Variants in TP73 observed in about 807,000 individuals in gnomAD.
TP73 encodes tumor protein p73.
In TP73, 25 loss-of-function variants were observed where a neutral mutation model predicts 62.5. The ratio of observed to expected loss-of-function variants is 0.40; its 90% CI spans 0.29 to 0.56. TP73 has a LOEUF of 0.56. Ranked by LOEUF, TP73 falls within the 20% of genes least tolerant of loss-of-function variation. The pLI is 0.46. For missense variants in TP73, 754 were observed against 913.3 expected, an observed-to-expected ratio of 0.83 and a Z score of 2.25; for synonymous variants, 423 against 377.5, an observed-to-expected ratio of 1.12 and a Z score of -1.40.
chr1:3,717,896 T>G (rs914808900), intron 4 of TP73, among the ~76,000 whole-genome samples: 1 of 152,198 alleles, frequency 6.6e-6, no homozygotes, highest in African/African-American at 2.4e-5. Flanking sequence ...GGGTGAGGTC[T>G]GCCAGGCATG....
intron 10 of TP73, 40 bp from the exon 11 acceptor site, chr1:3,729,960 G>A: frequency 6.5e-7 from 1 of 1,549,270 alleles, no homozygotes; most frequent in Non-Finnish European, 8.8e-7. Context: ...GCACGAGGCT[G>A]CCTTGCTTCC....
At position 3,699,273 on chromosome 1, in the gene TP73, A is replaced by G. The variant is rs1267220508; in HGVS notation, c.187-8276A>G. 6.6e-6 allele frequency among the ~76,000 whole-genome samples: 1 copy of G among 152,176 alleles called. No homozygotes were observed. The highest frequency in any genetic ancestry group is 6.5e-5 in the Admixed American group (1 of 15,276). ...GATGGGCTCTCTTCCTCCGAAGCCC[A>G]GGCTGCTTGTCAGTCACTCACCCCT... is the stretch of plus-strand genomic sequence containing the variant. On this transcript the variant is annotated intron_variant, in intron 3 of 13. Transcript: ENST00000378295. The surrounding 1 kb of genome is among the most constrained non-coding windows in gnomAD (Gnocchi z 4.1).
rs373779868 is a variant in TP73 at position 3,677,430 on chromosome 1, G to A, written c.-33-4903G>A. Among the ~76,000 whole-genome samples the A allele has an allele frequency of 6.6e-5, 10 of 152,274 alleles. No homozygotes were observed. The East Asian group carries it at 1.5e-3, about 24-fold the overall frequency. The stretch of plus-strand genomic sequence containing the variant: ...GCCTCATGGAAGTTGGGGCAGGGTC[G>A]AGGTGCCCTGCTTCCTGGGTGTGCC... On this transcript the variant is annotated intron_variant, in intron 1 of 13. Transcript: ENST00000378295.
chr1:3,724,839 C>T (rs1557576493), intron 6 of TP73, among the ~76,000 whole-genome samples: 2 of 152,150 alleles, frequency 1.3e-5, no homozygotes. Context: ...GCCCACAGGG[C>T]GAAACCCTGT....
At position 3,732,796 on chromosome 1, in the gene TP73, G is replaced by A. The variant is rs779902863; in HGVS notation, c.1628G>A (p.Arg543Gln). 59 of 1,604,690 alleles carry A rather than the reference G, an allele frequency of 3.7e-5. No individual in the cohort carries two copies. The highest frequency in any genetic ancestry group is 2.9e-4 in the East Asian group (13 of 44,676). The change falls in exon 14 of 14, where the codon CGG (arginine) becomes CAG (glutamine). Residue 543 changes from arginine (R) to glutamine (Q), a missense_variant. By Grantham distance (43) the Arg-to-Gln change is conservative. Around this residue, in one of 3 missense-constraint regions of TP73, gnomAD observed 458 missense variants for 528.7 expected, o/e 0.87. Transcript: ENST00000378295. Reference protein sequence around the residue: ...IPEQYRMTIWRGLQDLKQGHD... With the variant: ...IPEQYRMTIWQGLQDLKQGHD... ...GAGCAGTACCGCATGACCATCTGGC[G>A]GGGCCTGCAGGACCTGAAGCAGGGC...
At position 3,733,068 on chromosome 1, in the gene TP73, G is replaced by C. The variant is rs146782600; in HGVS notation, c.1900G>C (p.Glu634Gln). Residue 634 changes from glutamate to glutamine, a missense_variant, in exon 14 of 14, where the codon GAG becomes CAG. Physicochemically the swap from Glu to Gln is conservative, Grantham distance 29. This residue lies in a region of TP73 where 458 missense variants were observed against 528.7 expected (regional missense o/e 0.87). Transcript: ENST00000378295. ...QPIKEEFTEA[E>Q]IH is the part of the protein sequence containing the mutation. Reference sequence around the variant, plus strand: ...CATCAAGGAGGAGTTCACGGAGGCCGAGATCCACTGAGGGCCTCGCCTGGC... The same window carrying C: ...CATCAAGGAGGAGTTCACGGAGGCCCAGATCCACTGAGGGCCTCGCCTGGC... The C allele has an allele frequency of 2.6e-6, 4 of 1,534,936 alleles. No homozygotes were observed. The highest frequency in any genetic ancestry group is 3.5e-6 in the Non-Finnish European group (4 of 1,145,182).
At chr1:3,659,476 G>T (rs1368825569) in intron 1 of TP73, 1 of 152,176 alleles carries the variant, frequency 6.6e-6, no homozygotes, top group Non-Finnish European at 1.5e-5. Flanking sequence ...GAAAGTGTTA[G>T]TTTGGGAGTT....
intron 4 of TP73, among the ~76,000 whole-genome samples, chr1:3,720,304 G>A (rs1036394695): frequency 6.6e-6 from 1 of 152,226 alleles, no homozygotes; most frequent in Non-Finnish European, 1.5e-5. Flanking sequence ...GACTGGGGAT[G>A]GGCGGCTTCC....
chr1:3,676,530 A>T (rs1047653301), intron 1 of TP73, among the ~76,000 whole-genome samples: 1 of 151,488 alleles, frequency 6.6e-6, no homozygotes, highest in Non-Finnish European at 1.5e-5. Context: ...TTTCGTGGGA[A>T]GCTATGGAAG....
At chr1:3,723,772 C>T (rs373858236) in intron 6 of TP73, among the ~76,000 whole-genome samples, 1 of 152,248 alleles carries the variant, frequency 6.6e-6, no homozygotes, top group Non-Finnish European at 1.5e-5. Context: ...CTGTTGGTGC[C>T]CAACACTGGT....
chr1:3,683,777 C>A (rs1645580399), intron 3 of TP73, among the ~76,000 whole-genome samples: 1 of 152,252 alleles, frequency 6.6e-6, no homozygotes, highest in Admixed American at 6.5e-5. Flanking sequence ...TGAGCCACAT[C>A]TGTGCCTCTG....
rs749910695 is a variant in TP73, at chr1:3,722,091, C to A, written c.500C>A (p.Thr167Asn). ...KTCPIQIKVS[T>N]PPPPGTAIRA... is the part of the protein sequence containing the mutation. Reference sequence around the variant, plus strand: ...TGCCCCATCCAGATCAAGGTGTCCACCCCGCCACCCCCAGGCACCGCCATC... The same window carrying A: ...TGCCCCATCCAGATCAAGGTGTCCAACCCGCCACCCCCAGGCACCGCCATC... The change falls in exon 5 of 14, where the codon ACC (threonine) becomes AAC (asparagine). Residue 167 changes from threonine (T) to asparagine (N), a missense_variant. Physicochemically the swap from Thr to Asn is moderately conservative, Grantham distance 65. This residue lies in a region of TP73 where 235 missense variants were observed against 251.4 expected (regional missense o/e 0.93). Transcript: ENST00000378295. The A allele has an allele frequency of 1.9e-6, 3 of 1,612,966 alleles. No individual in the cohort carries two copies. The highest frequency in any genetic ancestry group is 1.1e-5 in the South Asian group (1 of 91,076).
intron 4 of TP73, among the ~76,000 whole-genome samples, chr1:3,711,053 G>A (rs1296652090): frequency 3.9e-5 from 6 of 152,206 alleles, no homozygotes; most frequent in Admixed American, 1.3e-4. Flanking sequence ...TGGAGCTGGC[G>A]TCTGCTGGGG....
At chr1:3,702,135 G>A (rs1363083626) in intron 3 of TP73, among the ~76,000 whole-genome samples, 3 of 152,186 alleles carry the variant, frequency 2.0e-5, no homozygotes, top group Admixed American at 6.5e-5. Context: ...CAGCTTGGCC[G>A]ACGGTAGATG....
chr1:3,657,503 A>G (rs1644889115), intron 1 of TP73, among the ~76,000 whole-genome samples: 1 of 152,192 alleles, frequency 6.6e-6, no homozygotes, highest in African/African-American at 2.4e-5. Context: ...ATTCCAAATA[A>G]CATCCCATTC....
intron 4 of TP73, 42 bp downstream of exon 4, chr1:3,707,833 C>A (rs376078671): frequency 1.3e-6 from 2 of 1,588,938 alleles, no homozygotes; most frequent in Non-Finnish European, 1.7e-6. Context: ...CTGCGGGCTG[C>A]GGGCTGGAGA....
At chr1:3,657,466 A>T (rs1644888597) in intron 1 of TP73, among the ~76,000 whole-genome samples, 1 of 152,084 alleles carries the variant, frequency 6.6e-6, no homozygotes, top group South Asian at 2.1e-4. Context: ...TGAGACCCTT[A>T]CCTAAGTGGC....
intron 4 of TP73, 129 bp from the exon 5 acceptor site, chr1:3,721,892 G>A: frequency 1.1e-6 from 1 of 952,062 alleles, no homozygotes; most frequent in Non-Finnish European, 1.6e-6. Context: ...GGGGCTGCTT[G>A]GGGCAGTCTT....
At position 3,690,034 on chromosome 1, in the gene TP73, G is replaced by A. The variant is rs913606100; in HGVS notation, c.186+6854G>A. Among the ~76,000 whole-genome samples, 7 of 152,204 alleles carry A rather than the reference G, an allele frequency of 4.6e-5. No homozygotes were observed. The South Asian group carries it at 6.2e-4, about 14-fold the overall frequency. On this transcript the variant is annotated intron_variant, in intron 3 of 13. Transcript: ENST00000378295. Reference sequence around the variant, plus strand: ...GCCCCTCCCTGGCTGTGCCAAGGCCGTCCACGCCTGCAGGGGGCCCCACTG... The same window carrying A: ...GCCCCTCCCTGGCTGTGCCAAGGCCATCCACGCCTGCAGGGGGCCCCACTG...
Sources: allele counts gnomAD v4.1 joint callset (sites outside exome capture counted in the v4.1 genomes callset), GRCh38; gene constraint gnomAD v4.1.1; regional missense constraint gnomAD v4.1.1; non-coding constraint Gnocchi (gnomAD v3.1); transcripts MANE v1.5; gene names NCBI Gene and HGNC (gene_info 2026-07-23, HGNC 2026-07-21).